The following PTPRT variants were observed in gnomAD, a reference collection of about 807,000 sequenced individuals.
PTPRT encodes receptor-type tyrosine-protein phosphatase T.
PTPRT carries 56 observed loss-of-function variants against 176.8 expected under a neutral mutation model. That is an observed-to-expected ratio of 0.32 (90% CI 0.26 to 0.40). The LOEUF is 0.40. PTPRT is among the 10% of genes least tolerant of loss of function. The pLI is 1.00. For synonymous variants in PTPRT, 783 were observed against 739.0 expected, an observed-to-expected ratio of 1.06 and a Z score of -0.96; for missense variants, 1,540 against 1,908.2, an observed-to-expected ratio of 0.81 and a Z score of 3.60.
chr20:42,782,365 C>T lies in PTPRT; in HGVS notation c.487-2066G>A, dbSNP rs144166935. Among the ~76,000 whole-genome samples, 15 of 152,304 alleles carry T rather than the reference C, an allele frequency of 9.8e-5. No individual in the cohort carries two copies. In the East Asian group the frequency reaches 1.4e-3, roughly 14 times the overall value. ...ACCCTAGACCTTTCACCCACACATC[C>T]GTCTTAGGTGTCCAGGTCACAGATC... is the stretch of plus-strand genomic sequence containing the variant. On this transcript the variant is annotated intron_variant, in intron 3 of 30. Transcript: ENST00000373187.
intron 11 of PTPRT, among the ~76,000 whole-genome samples, chr20:42,348,420 C>A (rs2058228515): frequency 7.7e-6 from 1 of 129,678 alleles, no homozygotes; most frequent in African/African-American, 2.9e-5. Context: ...ATAAAAATGT[C>A]ACCAAAATAT....
chr20:43,092,340 G>A (rs2011913664), intron 1 of PTPRT, among the ~76,000 whole-genome samples: 1 of 152,224 alleles, frequency 6.6e-6, no homozygotes, highest in Admixed American at 6.5e-5. Context: ...GGCATTTCCA[G>A]ATGTCCATTA....
chr20:42,660,579 T>C (rs749432605), intron 7 of PTPRT, among the ~76,000 whole-genome samples: 2 of 152,208 alleles, frequency 1.3e-5, no homozygotes, highest in Non-Finnish European at 2.9e-5. Context: ...ATTCTTTTCA[T>C]TGTTGTGTGT....
chr20:42,430,346 G>A (rs6016791), intron 9 of PTPRT, among the ~76,000 whole-genome samples: 102,087 of 152,074 alleles, frequency 0.67, 34,508 homozygotes, highest in Admixed American at 0.71. Context: ...AGTACTGTAC[G>A]TGCTGAACTT....
intron 1 of PTPRT, among the ~76,000 whole-genome samples, chr20:43,065,377 A>G (rs1399478831): frequency 6.6e-6 from 1 of 152,184 alleles, no homozygotes; most frequent in Non-Finnish European, 1.5e-5. Context: ...TTTGTACATA[A>G]CTTTCACTCA....
At chr20:43,179,503 G>T (rs960182980) in intron 1 of PTPRT, among the ~76,000 whole-genome samples, 1 of 152,130 alleles carries the variant, frequency 6.6e-6, no homozygotes, top group Non-Finnish European at 1.5e-5. Flanking sequence ...GGTTTTTGTG[G>T]AACTTAGATA....
chr20:42,182,764 G>A (rs1269704821), intron 16 of PTPRT, among the ~76,000 whole-genome samples: 2 of 152,148 alleles, frequency 1.3e-5, no homozygotes, highest in African/African-American at 4.8e-5. Flanking sequence ...TATGGAGCAA[G>A]CAGGGAGATC....
the PTPRT span, among the ~76,000 whole-genome samples, chr20:42,033,777 T>TG: frequency 6.6e-6 from 1 of 152,134 alleles, no homozygotes; most frequent in Non-Finnish European, 1.5e-5. Flanking sequence ...ATGATTTGCA[T>TG]GGGGGGATCT....
rs11424029 is a variant in PTPRT at position 43,111,546 on chromosome 20, GAAAAAAAA to G, written c.88+78092_88+78099del. Among the ~76,000 whole-genome samples, 8 of 83,458 alleles carry G rather than the reference GAAAAAAAA, an allele frequency of 9.6e-5. No homozygotes were observed. The South Asian group carries it at 1.4e-3, about 14-fold the overall frequency. The allele number at this position is 83,458 out of a possible 152,430, so 54.8% of individuals were successfully genotyped here. A position where few individuals can be genotyped will look rare whatever the true frequency, so the allele number is the denominator to read the frequency against. On this transcript the variant is annotated intron_variant, in intron 1 of 30. Transcript: ENST00000373187. ...GGGACAGAGCGAGACTCCGTCTCAG[GAAAAAAAA>G]AAAAAAAAAAAAAAAGAATGGTTAC...
At chr20:42,053,896 AG>A in the PTPRT span, among the ~76,000 whole-genome samples, 2 of 152,166 alleles carry the variant, frequency 1.3e-5, no homozygotes, top group Non-Finnish European at 1.5e-5. Context: ...TGATGTACGA[AG>A]GTGCTGGAGA....
chr20:43,078,144 G>T (rs1364929844), intron 1 of PTPRT, among the ~76,000 whole-genome samples: 1 of 152,212 alleles, frequency 6.6e-6, no homozygotes, highest in Non-Finnish European at 1.5e-5. Flanking sequence ...GCTCAGTACA[G>T]TTCCTGGCAC....
In PTPRT at chr20:42,368,031, C is replaced by T. The variant is rs542750295; in HGVS notation, c.1561-15746G>A. ...TCTTCTACCCAGGCTCTGGGTGCTG[C>T]GGACCTGAGAGGACAAGTTGGTGCA... On this transcript the variant is annotated intron_variant, in intron 9 of 30. Coordinates refer to ENST00000373187, the MANE Select transcript of PTPRT (RefSeq NM_007050.6). 6.6e-5 allele frequency among the ~76,000 whole-genome samples: 10 copies of T among 152,236 alleles called. No individual in the cohort carries two copies. In the East Asian group the frequency reaches 1.7e-3, roughly 27 times the overall value.
At chr20:42,793,140 A>T (rs1220415743) in intron 2 of PTPRT, among the ~76,000 whole-genome samples, 1 of 152,068 alleles carries the variant, frequency 6.6e-6, no homozygotes, top group Non-Finnish European at 1.5e-5. Context: ...GCACAGAGAA[A>T]CCTGAACCAG....
chr20:42,689,186 C>T (rs76489564), intron 6 of PTPRT, among the ~76,000 whole-genome samples: 2,071 of 152,322 alleles, frequency 0.014, 49 homozygotes, highest in African/African-American at 0.047. Context: ...ATCCTGTCCC[C>T]ATATAAACCC....
At chr20:42,490,134 G>A (rs2071536353) in intron 7 of PTPRT, among the ~76,000 whole-genome samples, 1 of 152,020 alleles carries the variant, frequency 6.6e-6, no homozygotes, top group African/African-American at 2.4e-5. Context: ...TATAGTTATG[G>A]CTTAATAGTA....
At chr20:42,915,932 G>A in intron 1 of PTPRT, among the ~76,000 whole-genome samples, 1 of 151,664 alleles carries the variant, frequency 6.6e-6, no homozygotes, top group Admixed American at 6.6e-5. Context: ...TTTCCCTCAT[G>A]AGTGCCCAAT....
intron 11 of PTPRT, among the ~76,000 whole-genome samples, chr20:42,336,580 G>T (rs769124336): frequency 1.3e-5 from 2 of 152,064 alleles, no homozygotes; most frequent in Admixed American, 6.6e-5. Context: ...ATTAGAGAAG[G>T]CACTCAGTAC....
the PTPRT span, among the ~76,000 whole-genome samples, chr20:42,066,474 A>T: frequency 5.3e-5 from 8 of 152,142 alleles, no homozygotes; most frequent in Non-Finnish European, 1.2e-4. Flanking sequence ...TATTCTGTCA[A>T]ATTTGGTATC....
At chr20:42,524,480 GCTGCTGTTGAGAAAC>G (rs1407184362) in intron 7 of PTPRT, among the ~76,000 whole-genome samples, 2 of 151,952 alleles carry the variant, frequency 1.3e-5, no homozygotes, top group African/African-American at 4.8e-5. Flanking sequence ...GGCTTTCATT[GCTGCTGTTGAGAAAC>G]CTGCTTTGAG....
Sources: gnomAD v4.1 joint callset for allele counts (sites outside exome capture counted in the v4.1 genomes callset) on GRCh38, gnomAD v4.1.1 for gene constraint, MANE v1.5 for transcripts, NCBI Gene and HGNC (gene_info 2026-07-23, HGNC 2026-07-21) for gene names.